PWWP2B: variants seen among roughly 807,000 people sequenced by gnomAD.
PWWP2B encodes PWWP domain containing 2B, also known as PWWP domain-containing protein 2B.
In PWWP2B, 9 loss-of-function variants were observed where a neutral mutation model predicts 15.5. That is an observed-to-expected ratio of 0.58 (90% CI 0.35 to 1.02). The LOEUF (loss-of-function observed/expected upper bound fraction) is 1.02. Among genes scored for constraint, PWWP2B ranks in the 50% least tolerant of loss-of-function variants. PWWP2B has a pLI of 0.02. For synonymous variants in PWWP2B, 474 were observed against 403.6 expected (o/e 1.17, Z -2.09); for missense variants, 864 against 865.3 (o/e 1.00, Z 0.02).
At chr10:132,397,480 C>A (rs1590753061) in intron 1 of PWWP2B, 129 bp downstream of exon 1, 1 of 975,380 alleles carries the variant, frequency 1.0e-6, no homozygotes, top group East Asian at 5.5e-5. Context: ...CGGTTTCTGC[C>A]GAGCCTGAGT....
At chr10:132,400,084 C>T (rs1369083811) in intron 1 of PWWP2B, among the ~76,000 whole-genome samples, 2 of 152,178 alleles carry the variant, frequency 1.3e-5, no homozygotes, top group African/African-American at 2.4e-5. Flanking sequence ...GTCCTGGGCT[C>T]ACCTGTCCAG....
At chr10:132,409,438 A>G (rs2069747727) in intron 2 of PWWP2B, among the ~76,000 whole-genome samples, 1 of 152,152 alleles carries the variant, frequency 6.6e-6, no homozygotes, top group Non-Finnish European at 1.5e-5. Context: ...CTGCCTGGCC[A>G]GGCTTGTCCT....
chr10:132,406,848 CT>C (rs1201598168), intron 2 of PWWP2B, among the ~76,000 whole-genome samples: 1 of 152,232 alleles, frequency 6.6e-6, no homozygotes, highest in Admixed American at 6.5e-5. Flanking sequence ...GCCCTGCCCC[CT>C]GTGACCCCCC....
rs756485792 is a variant in PWWP2B, at chr10:132,405,703, C to T, written c.1203C>T (p.Arg401=). 75 of 1,611,910 alleles carry T rather than the reference C, an allele frequency of 4.7e-5. 1 individual carries two copies. The South Asian group carries it at 6.9e-4, about 15-fold the overall frequency. The part of the protein sequence containing the change: ...FKSCPQGPQG[R]EGLAFLVSCP... ...GCTGTCCCCAGGGTCCACAGGGACGCGAGGGCTTGGCTTTTCTCGTCAGCT... is the reference window on the plus strand; with the variant it reads ...GCTGTCCCCAGGGTCCACAGGGACGTGAGGGCTTGGCTTTTCTCGTCAGCT... The change falls in exon 2 of 3, where the codon CGC becomes CGT. Residue 401 remains arginine, a synonymous_variant. Coordinates refer to ENST00000305233, the MANE Select transcript of PWWP2B (RefSeq NM_138499.4).
In PWWP2B at chr10:132,405,365, G is replaced by T. The variant is rs767884766; in HGVS notation, c.865G>T (p.Asp289Tyr). 6.2e-7 allele frequency: 1 copy of T among 1,611,216 alleles called. No homozygotes were observed. Among genetic ancestry groups the T allele is most frequent in the South Asian group, 1.1e-5 (1 of 91,024 alleles). ...CCGTCCCCAGCAGGCCCCGCAGGAC[G>T]ACGGCAGCCAGGACCCCGAGGTGCT... ...PFRPQQAPQDDGSQDPEVLDR... is the reference protein window; with the variant it reads ...PFRPQQAPQDYGSQDPEVLDR... Residue 289 changes from aspartate (D) to tyrosine (Y), a missense_variant, in exon 2 of 3, where the codon GAC (aspartate) becomes TAC (tyrosine). By Grantham distance (160) the Asp-to-Tyr change is radical. Around this residue, in one of 2 missense-constraint regions of PWWP2B, gnomAD observed 736 missense variants for 687.7 expected, o/e 1.07. Coordinates refer to ENST00000305233, the MANE Select transcript of PWWP2B (RefSeq NM_138499.4).
At chr10:132,400,625 C>A (rs945734904) in intron 1 of PWWP2B, among the ~76,000 whole-genome samples, 1 of 152,178 alleles carries the variant, frequency 6.6e-6, no homozygotes, top group Non-Finnish European at 1.5e-5. Context: ...CCCCAGCAGG[C>A]CTGACCTGCC....
chr10:132,401,532 G>A (rs1590756138), intron 1 of PWWP2B, among the ~76,000 whole-genome samples: 5 of 152,318 alleles, frequency 3.3e-5, no homozygotes, highest in East Asian at 1.9e-4. Flanking sequence ...GCCAAGGCTC[G>A]GTGTTACCTG....
At chr10:132,413,810 G>C (rs1398795991) in intron 2 of PWWP2B, among the ~76,000 whole-genome samples, 1 of 152,260 alleles carries the variant, frequency 6.6e-6, no homozygotes, top group Non-Finnish European at 1.5e-5. Context: ...TCTCCAACAA[G>C]CTGTGGGGAG....
At chr10:132,397,405 T>A in intron 1 of PWWP2B, 54 bp downstream of exon 1, 1 of 1,145,972 alleles carries the variant, frequency 8.7e-7, no homozygotes, top group Non-Finnish European at 1.1e-6. Flanking sequence ...GACACCCGCC[T>A]CCGCCGCCCG....
chr10:132,402,571 G>A (rs961710457), intron 1 of PWWP2B, among the ~76,000 whole-genome samples: 1 of 152,272 alleles, frequency 6.6e-6, no homozygotes, highest in African/African-American at 2.4e-5. Flanking sequence ...GTGAGCACAC[G>A]AAGTTGGTTC....
chr10:132,405,824 G>C lies in PWWP2B; in HGVS notation c.1324G>C (p.Asp442His). The change falls in exon 2 of 3, where the codon GAC becomes CAC. Residue 442 changes from aspartate (D) to histidine (H), a missense_variant. Physicochemically the swap from Asp to His is moderately conservative, Grantham distance 81 (BLOSUM62 -1). Transcript: ENST00000305233. ...RSSGSEGTPADTGDLSPGHGA... is the reference protein window; with the variant it reads ...RSSGSEGTPAHTGDLSPGHGA... ...GTCCGGCTCGGAAGGGACGCCGGCA[G>C]ACACGGGTGACCTCTCGCCTGGCCA... The C allele has an allele frequency of 5.0e-6, 8 of 1,609,518 alleles. No individual in the cohort carries two copies. Among genetic ancestry groups the C allele is most frequent in the Non-Finnish European group, 6.8e-6 (8 of 1,179,622 alleles).
At position 132,404,142 on chromosome 10, in the gene PWWP2B, TGGCCCTAG is replaced by T. The variant is rs2069650352; in HGVS notation, c.126-481_126-474del. On this transcript the variant is annotated intron_variant, in intron 1 of 2. Transcript: ENST00000305233. ...TTGCTTTGGGGGTTGAAGCGTTGCC[TGGCCCTAG>T]GGGTTGTCTTCCCTGAGTCCCCCAG... 2.0e-5 allele frequency among the ~76,000 whole-genome samples: 3 copies of T among 152,122 alleles called. No individual in the cohort carries two copies. In the South Asian group the frequency reaches 6.2e-4, roughly 31 times the overall value.
intron 2 of PWWP2B, among the ~76,000 whole-genome samples, chr10:132,411,031 C>T (rs2069772429): frequency 6.6e-6 from 1 of 152,204 alleles, no homozygotes; most frequent in Admixed American, 6.5e-5. Flanking sequence ...CTGGGGTCGT[C>T]CTTGTCTTCT....
chr10:132,408,436 G>A (rs1739920233), intron 2 of PWWP2B, among the ~76,000 whole-genome samples: 1 of 152,224 alleles, frequency 6.6e-6, no homozygotes, highest in East Asian at 1.9e-4. Flanking sequence ...CATCGTGAAG[G>A]CGCCTCTCTG....
At chr10:132,408,390 T>C (rs1434984896) in intron 2 of PWWP2B, among the ~76,000 whole-genome samples, 5 of 152,142 alleles carry the variant, frequency 3.3e-5, no homozygotes, top group Non-Finnish European at 5.9e-5. Flanking sequence ...AATGCGGGGG[T>C]ACCTGCCTTT....
chr10:132,405,278 C>A lies in PWWP2B; in HGVS notation c.778C>A (p.Pro260Thr). ...SPVIKISYSTPQGKGEVVKIP... is the reference protein window; with the variant it reads ...SPVIKISYSTTQGKGEVVKIP... ...GGTCATCAAGATCTCCTACAGCACG[C>A]CCCAGGGCAAGGGAGAGGTGGTCAA... Residue 260 changes from proline (P) to threonine (T), a missense_variant, in exon 2 of 3, where the codon CCC (proline) becomes ACC (threonine). By Grantham distance (38) the Pro-to-Thr change is conservative. Transcript: ENST00000305233. The A allele has an allele frequency of 6.2e-7, 1 of 1,611,856 alleles. No homozygotes were observed. The highest frequency in any genetic ancestry group is 8.5e-7 in the Non-Finnish European group (1 of 1,179,638).
In PWWP2B at chr10:132,405,471, C is replaced by A; in HGVS notation, c.971C>A (p.Ala324Asp). 2.5e-6 allele frequency: 4 copies of A among 1,605,644 alleles called. No individual in the cohort carries two copies. The highest frequency in any genetic ancestry group is 3.4e-6 in the Non-Finnish European group (4 of 1,179,398). ...TTGAAACTGACACGGCCTGTGCCGG[C>A]CGGCGCGGACCTGCCGCCCCCTAAG... ...PKLKLTRPVP[A>D]GADLPPPKIR... The change falls in exon 2 of 3, where the codon GCC (alanine) becomes GAC (aspartate). Residue 324 changes from alanine to aspartate, a missense_variant. This residue lies in a region of PWWP2B where 736 missense variants were observed against 687.7 expected (regional missense o/e 1.07). Coordinates refer to ENST00000305233, the MANE Select transcript of PWWP2B (RefSeq NM_138499.4).
intron 1 of PWWP2B, among the ~76,000 whole-genome samples, chr10:132,400,369 G>A (rs1008587979): frequency 2.6e-5 from 4 of 152,288 alleles, no homozygotes; most frequent in African/African-American, 9.6e-5. Flanking sequence ...GAGCCCCACA[G>A]GGCTTAGAGA....
intron 1 of PWWP2B, 99 bp downstream of exon 1, chr10:132,397,450 G>T (rs369091819): frequency 4.5e-6 from 5 of 1,100,132 alleles, no homozygotes; most frequent in African/African-American, 1.7e-5. Flanking sequence ...TGGGGGTGGC[G>T]TGGCCCCGGC....
Sources: gnomAD v4.1 joint callset for allele counts (sites outside exome capture counted in the v4.1 genomes callset) on GRCh38, gnomAD v4.1.1 for gene constraint, gnomAD v4.1.1 regional missense constraint, MANE v1.5 for transcripts, NCBI Gene and HGNC (gene_info 2026-07-23, HGNC 2026-07-21) for gene names.